The following SPAG16 variants were observed in gnomAD, a reference collection of about 807,000 sequenced individuals.
The protein encoded by SPAG16 is sperm associated antigen 16.
In SPAG16, 86 loss-of-function variants were observed where a neutral mutation model predicts 80.4. The observed-to-expected ratio is 1.07, with a 90% CI of 0.90 to 1.28. SPAG16 has a LOEUF of 1.28. SPAG16 is among the 50% of genes most tolerant of loss of function. The pLI is 0.00. For synonymous variants in SPAG16, 294 were observed against 265.9 expected (o/e 1.11, Z -1.03); for missense variants, 870 against 765.3 (o/e 1.14, Z -1.61).
In SPAG16 at chr2:213,413,527, T is replaced by G. The variant is rs145144864; in HGVS notation, c.942+38408T>G. 7.3e-3 allele frequency among the ~76,000 whole-genome samples: 1,111 copies of G among 152,268 alleles called. 9 individuals carry two copies. The highest frequency in any genetic ancestry group is 0.012 in the Non-Finnish European group (809 of 67,974). ...CCAATTTAAAACTGTCATATGAAAT[T>G]TAAGAACTTTCTTATAACTATTGAG... On this transcript the variant is annotated intron_variant, in intron 9 of 15. Coordinates refer to ENST00000331683, the MANE Select transcript of SPAG16 (RefSeq NM_024532.5).
intron 13 of SPAG16, among the ~76,000 whole-genome samples, chr2:214,084,060 A>G (rs187461875): frequency 6.6e-6 from 1 of 151,878 alleles, no homozygotes; most frequent in Admixed American, 6.6e-5. Flanking sequence ...ACCATATAAC[A>G]TTTATACTCT....
chr2:213,913,587 A>G (rs2077788444), intron 11 of SPAG16, among the ~76,000 whole-genome samples: 1 of 7,900 alleles, frequency 1.3e-4, no homozygotes, highest in African/African-American at 2.1e-4. Flanking sequence ...ATGTACATGT[A>G]CATATATGTA....
chr2:213,307,699 C>T (rs1009864025), intron 3 of SPAG16, among the ~76,000 whole-genome samples: 2 of 151,778 alleles, frequency 1.3e-5, no homozygotes, highest in African/African-American at 2.4e-5. Context: ...TGGTATATAC[C>T]CAGTAATGGG....
At position 213,851,563 on chromosome 2, in the gene SPAG16, T is replaced by C. The variant is rs892865713; in HGVS notation, c.1071-10922T>C. Among the ~76,000 whole-genome samples, 5 of 152,264 alleles carry C rather than the reference T, an allele frequency of 3.3e-5. No homozygotes were observed. The South Asian group carries it at 1.0e-3, about 32-fold the overall frequency. On this transcript the variant is annotated intron_variant, in intron 10 of 15. Coordinates refer to ENST00000331683, the MANE Select transcript of SPAG16 (RefSeq NM_024532.5). The stretch of plus-strand genomic sequence containing the variant: ...ATGTTACAATGTTCTATAACATGGG[T>C]GAATTTTAATCGCAGTACCATTGAG...
chr2:214,346,033 A>G (rs1698025808), intron 15 of SPAG16, among the ~76,000 whole-genome samples: 1 of 152,224 alleles, frequency 6.6e-6, no homozygotes, highest in South Asian at 2.1e-4. Context: ...AAACATGTAA[A>G]TGCATATATG....
intron 12 of SPAG16, among the ~76,000 whole-genome samples, chr2:214,012,280 A>ATCT (rs1237894126): frequency 2.2e-5 from 1 of 46,386 alleles, no homozygotes; most frequent in Non-Finnish European, 3.8e-5. Flanking sequence ...ATATATATAT[A>ATCT]TATATATATT....
chr2:213,515,387 A>G (rs1208306178), intron 10 of SPAG16, among the ~76,000 whole-genome samples: 1 of 152,134 alleles, frequency 6.6e-6, no homozygotes, highest in African/African-American at 2.4e-5. Flanking sequence ...GATAAAAACC[A>G]AAGTCCTCTA....
chr2:213,374,476 C>G (rs1234181191), intron 8 of SPAG16, among the ~76,000 whole-genome samples: 1 of 152,010 alleles, frequency 6.6e-6, no homozygotes, highest in Non-Finnish European at 1.5e-5. Context: ...TCTGTCAATT[C>G]CCCACTCTCA....
chr2:213,463,858 C>G (rs1424276689), intron 9 of SPAG16, among the ~76,000 whole-genome samples: 1 of 152,154 alleles, frequency 6.6e-6, no homozygotes, highest in Non-Finnish European at 1.5e-5. Flanking sequence ...GGAGTGGCTC[C>G]CAGCAGCTTC....
At chr2:214,007,702 T>C (rs988233200) in intron 12 of SPAG16, among the ~76,000 whole-genome samples, 4 of 152,220 alleles carry the variant, frequency 2.6e-5, no homozygotes, top group Non-Finnish European at 5.9e-5. Flanking sequence ...TCAGTTGCTA[T>C]TTGTATAATT....
intron 13 of SPAG16, among the ~76,000 whole-genome samples, chr2:214,072,575 A>G (rs2050840818): frequency 6.6e-6 from 1 of 152,162 alleles, no homozygotes; most frequent in Non-Finnish European, 1.5e-5. Context: ...GAAATCTGCT[A>G]TTGAATAAAA....
Position 213,694,466 on chromosome 2 carries a change from A to T in SPAG16, c.1071-168019A>T, listed in dbSNP as rs142965574. Among the ~76,000 whole-genome samples, 774 of 152,300 alleles carry T rather than the reference A, an allele frequency of 5.1e-3. 3 individuals carry two copies. The highest frequency in any genetic ancestry group is 0.017 in the African/African-American group (688 of 41,570). Reference sequence around the variant, plus strand: ...TGAATAAATATTTTTCAAGTTCCATATGCGTTGCTTTCTAGTATACGTGGA... The same window carrying T: ...TGAATAAATATTTTTCAAGTTCCATTTGCGTTGCTTTCTAGTATACGTGGA... On this transcript the variant is annotated intron_variant, in intron 10 of 15. Transcript: ENST00000331683.
intron 9 of SPAG16, among the ~76,000 whole-genome samples, chr2:213,448,266 A>G (rs2071467211): frequency 6.6e-6 from 1 of 152,254 alleles, no homozygotes. Context: ...GAGACTAATC[A>G]TTCATGAGAA....
chr2:214,058,136 G>A (rs1049746469), intron 13 of SPAG16, among the ~76,000 whole-genome samples: 1 of 152,088 alleles, frequency 6.6e-6, no homozygotes, highest in African/African-American at 2.4e-5. Flanking sequence ...CTTTTCCATT[G>A]CATTCATAAC....
At chr2:214,161,704 T>G (rs565508502) in intron 15 of SPAG16, among the ~76,000 whole-genome samples, 12 of 151,874 alleles carry the variant, frequency 7.9e-5, no homozygotes, top group Non-Finnish European at 1.3e-4. Flanking sequence ...AGAGAGAGCA[T>G]TAGGAAAAAT....
chr2:214,068,758 C>G (rs2050646459), intron 13 of SPAG16, among the ~76,000 whole-genome samples: 1 of 151,894 alleles, frequency 6.6e-6, no homozygotes, highest in African/African-American at 2.4e-5. Context: ...AAATTAGCTC[C>G]CAGACTAATG....
Position 213,364,114 on chromosome 2 carries a change from A to G in SPAG16, c.801A>G (p.Arg267=), listed in dbSNP as rs781161267. ...GLQETLKKLQ[R]GHSYHGPQIK... is the part of the protein sequence containing the mutation. ...AAGAAACATTGAAGAAACTGCAAAG[A>G]GGACATAGTTACCATGGTCCTCAAA... The change falls in exon 8 of 16, where the codon AGA becomes AGG. Residue 267 remains arginine, a synonymous_variant. Transcript: ENST00000331683. The G allele has an allele frequency of 3.3e-6, 5 of 1,527,326 alleles. No individual in the cohort carries two copies. Among genetic ancestry groups the G allele is most frequent in the Non-Finnish European group, 3.5e-6 (4 of 1,140,886 alleles). The allele number at this position is 1,527,326 out of a possible 1,614,324, so 94.6% of individuals were successfully genotyped here. A position where few individuals can be genotyped will look rare whatever the true frequency, so the allele number is the denominator to read the frequency against.
intron 10 of SPAG16, among the ~76,000 whole-genome samples, chr2:213,503,812 C>T (rs2074852352): frequency 6.6e-6 from 1 of 151,892 alleles, no homozygotes; most frequent in Non-Finnish European, 1.5e-5. Flanking sequence ...GAAATGTAAC[C>T]GGACCCAGGT....
At chr2:214,272,551 C>T (rs1692113592) in intron 15 of SPAG16, among the ~76,000 whole-genome samples, 1 of 152,124 alleles carries the variant, frequency 6.6e-6, no homozygotes, top group Middle Eastern at 3.4e-3. Flanking sequence ...GTTTGGTTTT[C>T]TGTGCTTGTG....
Sources: gnomAD v4.1 joint callset for allele counts (sites outside exome capture counted in the v4.1 genomes callset) on GRCh38, gnomAD v4.1.1 for gene constraint, MANE v1.5 for transcripts, NCBI Gene and HGNC (gene_info 2026-07-23, HGNC 2026-07-21) for gene names.